The following CDKAL1 variants were observed in gnomAD, a reference collection of about 807,000 sequenced individuals.
The protein encoded by CDKAL1 is CDKAL1 threonylcarbamoyladenosine tRNA methylthiotransferase, also known as threonylcarbamoyladenosine tRNA methylthiotransferase.
Under a neutral mutation model 68.2 loss-of-function variants are expected in CDKAL1, and 32 were observed. That is an observed-to-expected ratio of 0.47 (90% confidence interval 0.35 to 0.63). The LOEUF (loss-of-function observed/expected upper bound fraction) is 0.63, where lower values mean the gene tolerates loss of function less well. Among genes scored for constraint, CDKAL1 ranks in the 30% least tolerant of loss-of-function variants. CDKAL1 has a pLI of 0.00. For synonymous variants in CDKAL1, 234 were observed against 244.3 expected, an observed-to-expected ratio of 0.96 and a Z score of 0.39; for missense variants, 606 against 696.7, an observed-to-expected ratio of 0.87 and a Z score of 1.47.
At chr6:20,625,491 G>A (rs1360112839) in intron 4 of CDKAL1, among the ~76,000 whole-genome samples, 1 of 152,056 alleles carries the variant, frequency 6.6e-6, no homozygotes, top group Non-Finnish European at 1.5e-5. Flanking sequence ...GAAAAGTTCT[G>A]AATATCTCTT....
chr6:21,147,085 G>C (rs890682561), intron 13 of CDKAL1, among the ~76,000 whole-genome samples: 1 of 152,120 alleles, frequency 6.6e-6, no homozygotes, highest in Non-Finnish European at 1.5e-5. Flanking sequence ...TGACTGGTGG[G>C]GGGGAAGTGA....
chr6:20,810,890 T>C (rs1249918399), intron 8 of CDKAL1, among the ~76,000 whole-genome samples: 1 of 152,110 alleles, frequency 6.6e-6, no homozygotes, highest in Admixed American at 6.5e-5. Context: ...CAATTCTTTG[T>C]TTTGAATTAG....
Position 20,918,190 on chromosome 6 carries a change from A to G in CDKAL1, c.743-37229A>G, listed in dbSNP as rs533509662. 1.4e-4 allele frequency among the ~76,000 whole-genome samples: 22 copies of G among 152,350 alleles called. No individual in the cohort carries two copies. The South Asian group carries it at 4.1e-3, about 29-fold the overall frequency. On this transcript the variant is annotated intron_variant, in intron 9 of 15. Coordinates refer to ENST00000274695, the MANE Select transcript of CDKAL1 (RefSeq NM_017774.3). Reference sequence around the variant, plus strand: ...TGAGGACACAGAGAAGCCTCCATCTATGAGGAACAGGTGCTCACCAGACAC... The same window carrying G: ...TGAGGACACAGAGAAGCCTCCATCTGTGAGGAACAGGTGCTCACCAGACAC...
chr6:20,943,564 C>T (rs1764094978), intron 9 of CDKAL1, among the ~76,000 whole-genome samples: 1 of 151,526 alleles, frequency 6.6e-6, no homozygotes, highest in Non-Finnish European at 1.5e-5. Context: ...TTTTATTTCT[C>T]TTCGTTTCAT....
At chr6:21,111,186 G>A (rs1774103580) in intron 13 of CDKAL1, among the ~76,000 whole-genome samples, 1 of 152,138 alleles carries the variant, frequency 6.6e-6, no homozygotes, top group South Asian at 2.1e-4. Context: ...TGAATGTTGT[G>A]ACGGTTTGCC....
intron 9 of CDKAL1, among the ~76,000 whole-genome samples, chr6:20,880,402 C>A (rs1479425873): frequency 6.6e-6 from 1 of 152,022 alleles, no homozygotes; most frequent in East Asian, 1.9e-4. Context: ...ACTACAGGCA[C>A]GCACCACCAT....
intron 8 of CDKAL1, among the ~76,000 whole-genome samples, chr6:20,801,535 C>T (rs1439277939): frequency 6.6e-6 from 1 of 152,120 alleles, no homozygotes; most frequent in East Asian, 1.9e-4. Flanking sequence ...TTGCAGACAT[C>T]AGAACACTTC....
intron 4 of CDKAL1, among the ~76,000 whole-genome samples, chr6:20,558,197 C>A (rs995949121): frequency 4.6e-5 from 7 of 152,112 alleles, no homozygotes; most frequent in Admixed American, 6.6e-5. Context: ...TAACTCCCAA[C>A]AAAATAAAAG....
chr6:21,078,003 G>A (rs1407690953), intron 12 of CDKAL1, among the ~76,000 whole-genome samples: 4 of 152,066 alleles, frequency 2.6e-5, no homozygotes, highest in Non-Finnish European at 4.4e-5. Flanking sequence ...AAGGGACCAC[G>A]GGCATAAAAT....
intron 9 of CDKAL1, among the ~76,000 whole-genome samples, chr6:20,848,458 C>G (rs1363209303): frequency 6.6e-6 from 1 of 152,020 alleles, no homozygotes; most frequent in East Asian, 1.9e-4. Context: ...TCTGAGTAAC[C>G]AATTTACAGC....
chr6:20,548,650 T>C lies in CDKAL1; in HGVS notation c.231T>C (p.Asn77=). The change falls in exon 4 of 16, where the codon AAT becomes AAC. Residue 77 remains asparagine, a synonymous_variant. Transcript: ENST00000274695. ...WIRTWGCSHN[N]SDGEYMAGQL... ...GAACATGGGGTTGTTCTCATAATAA[T>C]TCAGATGGAGAATATATGGCTGGAC... is the stretch of plus-strand genomic sequence containing the variant. 3 of 1,603,050 alleles carry C rather than the reference T, an allele frequency of 1.9e-6. No homozygotes were observed. Among genetic ancestry groups the C allele is most frequent in the Non-Finnish European group, 2.6e-6 (3 of 1,170,732 alleles).
At chr6:20,750,733 G>A (rs1773879932) in intron 6 of CDKAL1, among the ~76,000 whole-genome samples, 1 of 152,024 alleles carries the variant, frequency 6.6e-6, no homozygotes, top group African/African-American at 2.4e-5. Context: ...GGAGGCCGAG[G>A]CGGGCAGATC....
intron 4 of CDKAL1, among the ~76,000 whole-genome samples, chr6:20,613,289 T>C (rs1766727598): frequency 2.8e-5 from 2 of 71,606 alleles, no homozygotes; most frequent in South Asian, 1.0e-3. Context: ...TTTTTTTTTT[T>C]TTTGAGACGG....
At chr6:20,583,784 G>GCC (rs11448102) in intron 4 of CDKAL1, among the ~76,000 whole-genome samples, 3,021 of 147,284 alleles carry the variant, frequency 0.021, 61 homozygotes, top group African/African-American at 0.049. Flanking sequence ...TAGTAAAAGC[G>GCC]CCCCCCCCCA....
chr6:20,735,565 G>T (rs1773155256), intron 5 of CDKAL1, among the ~76,000 whole-genome samples: 1 of 152,214 alleles, frequency 6.6e-6, no homozygotes, highest in African/African-American at 2.4e-5. Context: ...TACAATTCAA[G>T]ATGAGATTTG....
chr6:20,581,446 T>G (rs188397591), intron 4 of CDKAL1, among the ~76,000 whole-genome samples: 16 of 152,370 alleles, frequency 1.1e-4, no homozygotes, highest in Non-Finnish European at 1.6e-4. Flanking sequence ...AGTTCCTTGT[T>G]AATGTTTGGG....
intron 4 of CDKAL1, among the ~76,000 whole-genome samples, chr6:20,638,193 T>C (rs1767990531): frequency 1.3e-5 from 2 of 152,318 alleles, no homozygotes; most frequent in Admixed American, 6.5e-5. Context: ...CACAGTTACA[T>C]CAGTATAGTG....
rs1774656032 is a variant in CDKAL1, at chr6:20,765,421, G to A, written c.517+6778G>A. Among the ~76,000 whole-genome samples, 2 of 148,522 alleles carry A rather than the reference G, an allele frequency of 1.3e-5. 1 individual carries two copies. The highest frequency in any genetic ancestry group is 1.3e-4 in the Admixed American group (2 of 14,884). On this transcript the variant is annotated intron_variant, in intron 7 of 15. Coordinates refer to ENST00000274695, the MANE Select transcript of CDKAL1 (RefSeq NM_017774.3). ...TCCGCCCGCCTCGGCCTCCCAAAGTGCTGGGATTACAGGCGTGAGCCACCG... is the reference window on the plus strand; with the variant it reads ...TCCGCCCGCCTCGGCCTCCCAAAGTACTGGGATTACAGGCGTGAGCCACCG...
intron 4 of CDKAL1, among the ~76,000 whole-genome samples, chr6:20,638,054 T>G (rs1054009169): frequency 6.6e-6 from 1 of 152,232 alleles, no homozygotes; most frequent in South Asian, 2.1e-4. Flanking sequence ...GTAGGCTAAC[T>G]TCTTAAAAGG....
Sources: allele counts gnomAD v4.1 joint callset (sites outside exome capture counted in the v4.1 genomes callset), GRCh38; gene constraint gnomAD v4.1.1; transcripts MANE v1.5; gene names NCBI Gene and HGNC (gene_info 2026-07-23, HGNC 2026-07-21).